The following SDK1 variants were observed in gnomAD, a reference collection of about 807,000 sequenced individuals.
SDK1 encodes the protein sidekick cell adhesion molecule 1.
Under a neutral mutation model 245.5 loss-of-function variants are expected in SDK1, and 157 were observed. The ratio of observed to expected loss-of-function variants is 0.64; its 90% CI spans 0.56 to 0.73. The LOEUF (loss-of-function observed/expected upper bound fraction) is 0.73, where lower values mean the gene tolerates loss of function less well. Among genes scored for constraint, SDK1 ranks in the 30% least tolerant of loss-of-function variants. The pLI, the probability that SDK1 is intolerant of heterozygous loss-of-function variation, is 0.00. For missense variants in SDK1, 3,583 were observed against 3,002.3 expected, an observed-to-expected ratio of 1.19 and a Z score of -4.52; for synonymous variants, 1,647 against 1,278.5, an observed-to-expected ratio of 1.29 and a Z score of -6.15.
Position 3,420,206 on chromosome 7 carries a change from C to T in SDK1, c.298+118322C>T, listed in dbSNP as rs984145516. On this transcript the variant is annotated intron_variant, in intron 1 of 44. Transcript: ENST00000404826. Reference sequence around the variant, plus strand: ...AGTGATACTATTATAGCAGAATTAACATTATTGTCATATTAGCATTGGAAC... The same window carrying T: ...AGTGATACTATTATAGCAGAATTAATATTATTGTCATATTAGCATTGGAAC... 2.4e-4 allele frequency among the ~76,000 whole-genome samples: 36 copies of T among 152,198 alleles called. 1 individual carries two copies. The highest frequency in any genetic ancestry group is 1.0e-4 in the Non-Finnish European group (7 of 68,040).
intron 1 of SDK1, among the ~76,000 whole-genome samples, chr7:3,572,995 C>A (rs1251674630): frequency 2.0e-5 from 3 of 151,946 alleles, no homozygotes; most frequent in African/African-American, 7.2e-5. Context: ...TCTGGGGTGA[C>A]CACCCAAAAG....
In SDK1 at chr7:3,890,169, C is replaced by G. The variant is rs540753098; in HGVS notation, c.848-60754C>G. 2.6e-4 allele frequency among the ~76,000 whole-genome samples: 39 copies of G among 152,338 alleles called. 2 individuals are homozygous for G. In the South Asian group the frequency reaches 7.5e-3, roughly 29 times the overall value. ...TGAGCAGGGACTAGAACTCTGTCCT[C>G]TTGATTCCAGATACAGTGCTCTTTT... On this transcript the variant is annotated intron_variant, in intron 5 of 44. Transcript: ENST00000404826.
chr7:4,020,557 A>G lies in SDK1; in HGVS notation c.2602+3205A>G, dbSNP rs192228046. 3.6e-3 allele frequency among the ~76,000 whole-genome samples: 543 copies of G among 152,272 alleles called. 1 individual carries two copies. Among genetic ancestry groups the G allele is most frequent in the Non-Finnish European group, 4.8e-3 (325 of 68,022 alleles). Reference sequence around the variant, plus strand: ...GCCTGGCTCTGGAGGGGAAGATGCAATGAATGGGACAGAAAGGGATCTGCC... The same window carrying G: ...GCCTGGCTCTGGAGGGGAAGATGCAGTGAATGGGACAGAAAGGGATCTGCC... On this transcript the variant is annotated intron_variant, in intron 17 of 44. Coordinates refer to ENST00000404826, the MANE Select transcript of SDK1 (RefSeq NM_152744.4).
intron 19 of SDK1, among the ~76,000 whole-genome samples, chr7:4,057,791 A>T (rs1165582705): frequency 6.6e-6 from 1 of 152,222 alleles, no homozygotes; most frequent in Non-Finnish European, 1.5e-5. Flanking sequence ...CACAGACACC[A>T]CTGATGCTGT....
intron 5 of SDK1, among the ~76,000 whole-genome samples, chr7:3,881,813 C>T (rs1230633467): frequency 6.6e-6 from 1 of 152,112 alleles, no homozygotes; most frequent in Admixed American, 6.5e-5. Flanking sequence ...TTTTAAAATG[C>T]ATTAGATTTA....
chr7:3,339,995 A>G (rs1780303757), intron 1 of SDK1, among the ~76,000 whole-genome samples: 1 of 152,176 alleles, frequency 6.6e-6, no homozygotes, highest in Non-Finnish European at 1.5e-5. Context: ...AGTGAACAGG[A>G]ATGAAATAGA....
intron 4 of SDK1, among the ~76,000 whole-genome samples, chr7:3,817,627 C>T (rs1420333165): frequency 6.6e-6 from 1 of 152,172 alleles, no homozygotes; most frequent in African/African-American, 2.4e-5. Context: ...GGGAAGGCCA[C>T]AACCCCTGGC....
chr7:3,986,198 C>CT (rs34977344), intron 13 of SDK1, among the ~76,000 whole-genome samples: 2,207 of 149,192 alleles, frequency 0.015, 39 homozygotes, highest in African/African-American at 0.047. Flanking sequence ...CCAGTAAAAA[C>CT]TTTTTTTTTT....
chr7:3,893,209 C>T (rs1374591470), intron 5 of SDK1, among the ~76,000 whole-genome samples: 1 of 152,134 alleles, frequency 6.6e-6, no homozygotes, highest in African/African-American at 2.4e-5. Context: ...AATCTGATCC[C>T]TTAACCAGTG....
intron 4 of SDK1, among the ~76,000 whole-genome samples, chr7:3,736,466 G>T (rs1255248594): frequency 6.6e-6 from 1 of 152,046 alleles, no homozygotes; most frequent in Non-Finnish European, 1.5e-5. Flanking sequence ...GTAGAGATGG[G>T]TTTCACCGTG....
intron 20 of SDK1, among the ~76,000 whole-genome samples, chr7:4,072,580 G>C (rs1780321308): frequency 6.6e-6 from 1 of 152,248 alleles, no homozygotes; most frequent in Non-Finnish European, 1.5e-5. Context: ...ATTCTATTCT[G>C]TGCTGAAGGC....
At position 4,010,986 on chromosome 7, in the gene SDK1, C is replaced by G; in HGVS notation, c.2152C>G (p.Leu718Val). The G allele has an allele frequency of 6.2e-7, 1 of 1,614,230 alleles. No individual in the cohort carries two copies. Among genetic ancestry groups the G allele is most frequent in the Non-Finnish European group, 8.5e-7 (1 of 1,180,028 alleles). The change falls in exon 15 of 45, where the codon CTG (leucine) becomes GTG (valine). Residue 718 changes from leucine to valine, a missense_variant. Transcript: ENST00000404826. Reference sequence around the variant, plus strand: ...TTCAGACTCTCCATGGAAGGTGCATCTGTCAAACGTTGGCCCTGAGATGAC... The same window carrying G: ...TTCAGACTCTCCATGGAAGGTGCATGTGTCAAACGTTGGCCCTGAGATGAC... ...SENNSPWKVH[L>V]SNVGPEMTGV... is the part of the protein sequence containing the mutation.
At chr7:3,440,548 G>A (rs1344112482) in intron 1 of SDK1, among the ~76,000 whole-genome samples, 1 of 152,130 alleles carries the variant, frequency 6.6e-6, no homozygotes, top group Non-Finnish European at 1.5e-5. Flanking sequence ...GTATCTCAGT[G>A]CTTGTGTTCA....
At chr7:4,007,825 T>C (rs1314767982) in intron 14 of SDK1, among the ~76,000 whole-genome samples, 3 of 152,092 alleles carry the variant, frequency 2.0e-5, no homozygotes, top group Admixed American at 2.0e-4. Flanking sequence ...AGGCTGGTCT[T>C]GAACTCCTGA....
chr7:3,338,605 G>A (rs1018986080), intron 1 of SDK1: 10 of 213,562 alleles, frequency 4.7e-5, no homozygotes, highest in African/African-American at 2.3e-4. Context: ...GGCATGATAG[G>A]TGTTAAAAAC....
intron 1 of SDK1, among the ~76,000 whole-genome samples, chr7:3,440,885 T>A (rs1161920680): frequency 6.6e-6 from 1 of 152,162 alleles, no homozygotes; most frequent in African/African-American, 2.4e-5. Context: ...AAAAAGATGT[T>A]CCAATTGACA....
In SDK1 at chr7:4,265,456, A is replaced by C. The variant is rs965514363; in HGVS notation, c.*72A>C. 4.3e-6 allele frequency: 6 copies of C among 1,386,926 alleles called. No individual in the cohort carries two copies. The highest frequency in any genetic ancestry group is 7.1e-5 in the Admixed American group (2 of 28,316). 85.9% of individuals were successfully genotyped at this position (1,386,926 alleles called of 1,614,324 possible). A position where few individuals can be genotyped will look rare whatever the true frequency, so the allele number is the denominator to read the frequency against. On this transcript the variant is annotated 3_prime_UTR_variant, in exon 45 of 45. Transcript: ENST00000404826. ...GAGTCTATTTTTGTTAAGACAATCAACTCCAATAACTGAGCTGAAGTTTTT... is the reference window on the plus strand; with the variant it reads ...GAGTCTATTTTTGTTAAGACAATCACCTCCAATAACTGAGCTGAAGTTTTT...
At chr7:3,686,960 G>A (rs1001165734) in intron 4 of SDK1, among the ~76,000 whole-genome samples, 4 of 151,942 alleles carry the variant, frequency 2.6e-5, no homozygotes, top group African/African-American at 9.7e-5. Context: ...TAAGGGAAGT[G>A]GTTGGGATGG....
intron 44 of SDK1, among the ~76,000 whole-genome samples, chr7:4,259,088 T>C (rs1308772354): frequency 6.6e-6 from 1 of 152,170 alleles, no homozygotes; most frequent in African/African-American, 2.4e-5. Flanking sequence ...CGTTTTAGTT[T>C]ACGCAGAGCT....
Sources: gnomAD v4.1 joint callset for allele counts (sites outside exome capture counted in the v4.1 genomes callset) on GRCh38, gnomAD v4.1.1 for gene constraint, MANE v1.5 for transcripts, NCBI Gene and HGNC (gene_info 2026-07-23, HGNC 2026-07-21) for gene names.